Variants in MAGI1 observed in about 807,000 individuals in gnomAD.
The protein encoded by MAGI1 is membrane-associated guanylate kinase, WW and PDZ domain-containing protein 1.
MAGI1 carries 58 observed loss-of-function variants against 139.9 expected under a neutral mutation model. The observed-to-expected ratio is 0.41, with a 90% confidence interval of 0.34 to 0.52. MAGI1 has a LOEUF of 0.52. Ranked by LOEUF, MAGI1 falls within the 20% of genes least tolerant of loss-of-function variation. The probability of loss-of-function intolerance (pLI) is 0.12; values close to 1 mark genes in which losing one functional copy is unlikely to be tolerated. For missense variants in MAGI1, 1,874 were observed against 1,901.6 expected (o/e 0.99, Z 0.27); for synonymous variants, 812 against 737.9 (o/e 1.10, Z -1.63).
At chr3:65,519,617 C>T (rs1045933069) in intron 2 of MAGI1, among the ~76,000 whole-genome samples, 5 of 152,104 alleles carry the variant, frequency 3.3e-5, no homozygotes, top group South Asian at 4.1e-4. Context: ...AACTCCTGAC[C>T]TCGTGATCCA....
At chr3:66,028,644 A>T (rs1208444651) in intron 1 of MAGI1, among the ~76,000 whole-genome samples, 2 of 151,982 alleles carry the variant, frequency 1.3e-5, no homozygotes, top group Non-Finnish European at 2.9e-5. Flanking sequence ...AACACGCAAG[A>T]ACTCGCCCTC....
At chr3:65,458,950 C>T (rs1382230674) in intron 5 of MAGI1, among the ~76,000 whole-genome samples, 5 of 152,214 alleles carry the variant, frequency 3.3e-5, no homozygotes, top group South Asian at 4.1e-4. Flanking sequence ...TAGACTAAAG[C>T]CTTTAATCCA....
chr3:65,823,100 C>CTT (rs1018709148), intron 1 of MAGI1, among the ~76,000 whole-genome samples: 5 of 152,150 alleles, frequency 3.3e-5, no homozygotes, highest in Admixed American at 3.3e-4. Flanking sequence ...AATTTTTTAA[C>CTT]TTTAACTGTT....
At chr3:65,716,768 G>A (rs2032302758) in intron 1 of MAGI1, among the ~76,000 whole-genome samples, 2 of 152,150 alleles carry the variant, frequency 1.3e-5, no homozygotes, top group African/African-American at 4.8e-5. Flanking sequence ...CACTGACCAG[G>A]CTTTGTGTTA....
intron 1 of MAGI1, among the ~76,000 whole-genome samples, chr3:65,672,212 CA>C (rs1324678104): frequency 2.0e-5 from 3 of 152,096 alleles, no homozygotes; most frequent in African/African-American, 7.2e-5. Context: ...ATTTAAGAAG[CA>C]AAATGCAAAA....
chr3:66,002,615 A>G (rs1462069123), intron 1 of MAGI1, among the ~76,000 whole-genome samples: 1 of 152,018 alleles, frequency 6.6e-6, no homozygotes, highest in East Asian at 1.9e-4. Flanking sequence ...TCCCTGGTAG[A>G]GGGATTCTCC....
intron 1 of MAGI1, among the ~76,000 whole-genome samples, chr3:65,977,863 T>C (rs1471524922): frequency 6.6e-6 from 1 of 152,126 alleles, no homozygotes; most frequent in Non-Finnish European, 1.5e-5. Flanking sequence ...CCTCGGTGAA[T>C]TGTTGGCACT....
intron 14 of MAGI1, 145 bp from the exon 15 acceptor site, chr3:65,383,768 G>C: frequency 1.5e-6 from 1 of 672,258 alleles, no homozygotes. Context: ...AAAATACTCT[G>C]AACAGGTGAA....
At chr3:66,019,771 A>G (rs550703843) in intron 1 of MAGI1, among the ~76,000 whole-genome samples, 18 of 152,316 alleles carry the variant, frequency 1.2e-4, no homozygotes, top group East Asian at 1.9e-4. Context: ...CTCAATTGCA[A>G]TTAAATTTCC....
chr3:65,413,749 A>T (rs1432450040), intron 12 of MAGI1, among the ~76,000 whole-genome samples: 2 of 152,198 alleles, frequency 1.3e-5, no homozygotes, highest in Non-Finnish European at 2.9e-5. Flanking sequence ...TTAAAGGCTG[A>T]GTACAGGAAT....
intron 1 of MAGI1, among the ~76,000 whole-genome samples, chr3:66,021,161 CTG>C (rs1399989594): frequency 3.9e-5 from 6 of 152,182 alleles, no homozygotes; most frequent in African/African-American, 1.4e-4. Context: ...TAGATTTAAA[CTG>C]TGTGTCAGTA....
At chr3:65,937,186 T>C (rs2063105158) in intron 1 of MAGI1, among the ~76,000 whole-genome samples, 1 of 152,252 alleles carries the variant, frequency 6.6e-6, no homozygotes, top group Middle Eastern at 3.4e-3. Context: ...TGAATTCCAA[T>C]AGCAAGTTAT....
chr3:65,655,593 G>C (rs1156024), intron 1 of MAGI1, among the ~76,000 whole-genome samples: 50,580 of 152,008 alleles, frequency 0.33, 9,156 homozygotes, highest in East Asian at 0.59. Flanking sequence ...ACCATGATAA[G>C]TACAATTTAT....
chr3:65,728,039 A>G (rs1470121429), intron 1 of MAGI1, among the ~76,000 whole-genome samples: 2 of 152,152 alleles, frequency 1.3e-5, no homozygotes, highest in Non-Finnish European at 2.9e-5. Context: ...GTTTCCTAAT[A>G]CAGGTGCAGG....
chr3:65,509,185 C>T (rs1019071257), intron 2 of MAGI1, among the ~76,000 whole-genome samples: 15 of 151,810 alleles, frequency 9.9e-5, no homozygotes, highest in African/African-American at 3.4e-4. Context: ...CAAAACAAAA[C>T]AATCAAAATA....
At chr3:65,852,834 C>A (rs1318557440) in intron 1 of MAGI1, among the ~76,000 whole-genome samples, 1 of 152,010 alleles carries the variant, frequency 6.6e-6, no homozygotes, top group Non-Finnish European at 1.5e-5. Context: ...GGCAAAGTAT[C>A]AGAAAATATT....
intron 1 of MAGI1, among the ~76,000 whole-genome samples, chr3:66,007,999 C>T (rs1368547790): frequency 1.3e-5 from 2 of 151,102 alleles, no homozygotes; most frequent in South Asian, 2.1e-4. Flanking sequence ...CAGGTTCAAG[C>T]GATTCTCTTG....
chr3:65,722,846 G>C (rs923733238), intron 1 of MAGI1, among the ~76,000 whole-genome samples: 1 of 151,906 alleles, frequency 6.6e-6, no homozygotes, highest in African/African-American at 2.4e-5. Context: ...CACCATGTGA[G>C]TTTCCAGCCA....
At chr3:65,436,504 C>T (rs781180836) in intron 10 of MAGI1, among the ~76,000 whole-genome samples, 19 of 152,046 alleles carry the variant, frequency 1.2e-4, no homozygotes, top group Admixed American at 2.0e-4. Flanking sequence ...CCTATTGAAA[C>T]GTTGTAAACA....
Sources: allele counts gnomAD v4.1 joint callset (sites outside exome capture counted in the v4.1 genomes callset), GRCh38; gene constraint gnomAD v4.1.1; transcripts MANE v1.5; gene names NCBI Gene and HGNC (gene_info 2026-07-23, HGNC 2026-07-21).